Variants in PRKN observed in about 807,000 individuals in gnomAD.
PRKN encodes the protein E3 ubiquitin-protein ligase parkin.
PRKN carries 56 observed loss-of-function variants against 59.5 expected under a neutral mutation model. That is an observed-to-expected ratio of 0.94 (90% CI 0.76 to 1.18). The LOEUF (loss-of-function observed/expected upper bound fraction) is 1.18, where lower values mean the gene tolerates loss of function less well. Ranked by LOEUF, PRKN falls within the 50% of genes most tolerant of loss-of-function variation. The probability of loss-of-function intolerance (pLI) is 0.00; values close to 1 mark genes in which losing one functional copy is unlikely to be tolerated. For synonymous variants in PRKN, 250 were observed against 222.1 expected, an observed-to-expected ratio of 1.13 and a Z score of -1.12; for missense variants, 657 against 596.4, an observed-to-expected ratio of 1.10 and a Z score of -1.06.
intron 7 of PRKN, among the ~76,000 whole-genome samples, chr6:161,571,529 C>G (rs1483365262): frequency 6.6e-6 from 1 of 152,290 alleles, no homozygotes; most frequent in Admixed American, 6.5e-5. Context: ...TAGATCTGTG[C>G]ATTGTTTCAG....
rs1018940733 is a variant in PRKN at position 161,544,251 on chromosome 6, T to C, written c.1083+4603A>G. Among the ~76,000 whole-genome samples, 2 of 152,176 alleles carry C rather than the reference T, an allele frequency of 1.3e-5. No homozygotes were observed. The highest frequency in any genetic ancestry group is 2.4e-5 in the African/African-American group (1 of 41,444). ...CTGTAAATTCTGCAGTACTTTCAGGTTTCTAATGGACTTTTTGTGGATCCC... is the reference window on the plus strand; with the variant it reads ...CTGTAAATTCTGCAGTACTTTCAGGCTTCTAATGGACTTTTTGTGGATCCC... On this transcript the variant is annotated intron_variant, in intron 9 of 11. Transcript: ENST00000366898. The surrounding 1 kb of genome is among the most constrained non-coding windows in gnomAD (Gnocchi z 5.5).
intron 1 of PRKN, among the ~76,000 whole-genome samples, chr6:162,593,521 C>G (rs1230832084): frequency 6.6e-6 from 1 of 152,158 alleles, no homozygotes; most frequent in East Asian, 1.9e-4. Context: ...TACGGTTTAT[C>G]ACTGAAATCT....
At chr6:162,708,594 T>G (rs987229644) in intron 1 of PRKN, among the ~76,000 whole-genome samples, 1 of 152,244 alleles carries the variant, frequency 6.6e-6, no homozygotes, top group East Asian at 1.9e-4. Flanking sequence ...CTTTCTCTTC[T>G]ATACTCCAAA....
At chr6:161,567,562 CAT>C (rs1491189569) in intron 8 of PRKN, among the ~76,000 whole-genome samples, 12 of 151,052 alleles carry the variant, frequency 7.9e-5, no homozygotes, top group East Asian at 2.0e-4. Flanking sequence ...TGTATGTCTG[CAT>C]GTGTGTGTGT....
chr6:161,448,470 C>CG lies in PRKN; in HGVS notation c.1084-61594dup, dbSNP rs1021940736. 6.6e-6 allele frequency among the ~76,000 whole-genome samples: 1 copy of CG among 152,226 alleles called. No individual in the cohort carries two copies. The highest frequency in any genetic ancestry group is 1.9e-4 in the East Asian group (1 of 5,180). The stretch of plus-strand genomic sequence containing the variant: ...CACATCTTAGATTTAATGCTGATTT[C>CG]GGGGGGCATTTTTGCTTCAAATTTG... On this transcript the variant is annotated intron_variant, in intron 9 of 11. Coordinates refer to ENST00000366898, the MANE Select transcript of PRKN (RefSeq NM_004562.3). The surrounding 1 kb of genome is among the most constrained non-coding windows in gnomAD (Gnocchi z 5.1).
chr6:162,349,031 A>G (rs1188605230), intron 2 of PRKN, among the ~76,000 whole-genome samples: 1 of 152,206 alleles, frequency 6.6e-6, no homozygotes, highest in Non-Finnish European at 1.5e-5. Flanking sequence ...TCTTTGAAAG[A>G]CATAGTCAGT....
rs1160103063 is a variant in PRKN at position 161,545,265 on chromosome 6, T to C, written c.1083+3589A>G. ...ATTCACAGGCATCTTACAATAAATC[T>C]GTGAACCACATCCTGATAATCACTG... On this transcript the variant is annotated intron_variant, in intron 9 of 11. Transcript: ENST00000366898. The surrounding 1 kb of genome is among the most constrained non-coding windows in gnomAD (Gnocchi z 4.1). The C allele has an allele frequency of 6.3e-6, 9 of 1,438,614 alleles. No homozygotes were observed. The Admixed American group carries it at 8.2e-5, about 13-fold the overall frequency. The allele number at this position is 1,438,614 out of a possible 1,614,324, so 89.1% of individuals were successfully genotyped here.
At chr6:162,035,715 C>CAGAG (rs1180175888) in intron 5 of PRKN, among the ~76,000 whole-genome samples, 1 of 151,960 alleles carries the variant, frequency 6.6e-6, no homozygotes, top group African/African-American at 2.4e-5. Flanking sequence ...GCAGAATGAG[C>CAGAG]AGAGGAATGG....
intron 2 of PRKN, among the ~76,000 whole-genome samples, chr6:162,422,156 C>T (rs1789004066): frequency 6.6e-6 from 1 of 152,200 alleles, no homozygotes. Context: ...GTATGCTTTA[C>T]TTGCTAACTT....
At chr6:162,517,736 A>G (rs1777924636) in intron 1 of PRKN, among the ~76,000 whole-genome samples, 2 of 152,120 alleles carry the variant, frequency 1.3e-5, no homozygotes, top group Non-Finnish European at 2.9e-5. Flanking sequence ...AATTTAAAAA[A>G]CTGAATGAAG....
intron 8 of PRKN, among the ~76,000 whole-genome samples, chr6:161,558,198 C>T (rs1583226406): frequency 6.6e-6 from 1 of 152,168 alleles, no homozygotes; most frequent in East Asian, 1.9e-4. Context: ...TGCATTAGAA[C>T]TAAGGCTGAA....
At chr6:161,636,813 A>T (rs1783539799) in intron 7 of PRKN, among the ~76,000 whole-genome samples, 1 of 152,174 alleles carries the variant, frequency 6.6e-6, no homozygotes, top group South Asian at 2.1e-4. Flanking sequence ...GGATGTTTAC[A>T]GGCTGTTTCA....
chr6:161,864,706 G>A (rs1794043258), intron 6 of PRKN, among the ~76,000 whole-genome samples: 1 of 152,086 alleles, frequency 6.6e-6, no homozygotes, highest in Non-Finnish European at 1.5e-5. Flanking sequence ...GCCTGGGCTG[G>A]AGTGCAGTGG....
chr6:162,160,638 C>T (rs1782710462), intron 4 of PRKN, among the ~76,000 whole-genome samples: 1 of 151,738 alleles, frequency 6.6e-6, no homozygotes, highest in African/African-American at 2.4e-5. Context: ...GAAAAGGAAA[C>T]GTCTGCATGT....
At chr6:162,358,336 T>C (rs1398392117) in intron 2 of PRKN, among the ~76,000 whole-genome samples, 6 of 152,318 alleles carry the variant, frequency 3.9e-5, no homozygotes, top group East Asian at 3.9e-4. Flanking sequence ...ATGGTTCTTT[T>C]CAGCCTTGTA....
At chr6:162,084,855 G>A (rs1779191492) in intron 4 of PRKN, among the ~76,000 whole-genome samples, 1 of 151,770 alleles carries the variant, frequency 6.6e-6, no homozygotes, top group Admixed American at 6.6e-5. Flanking sequence ...TGATAATATA[G>A]AAGGCACAAT....
chr6:162,669,103 CCA>C (rs1312635765), intron 1 of PRKN, among the ~76,000 whole-genome samples: 2 of 152,080 alleles, frequency 1.3e-5, no homozygotes, highest in African/African-American at 2.4e-5. Flanking sequence ...CCTCTAAAAT[CCA>C]CAGTTTTTTT....
At chr6:161,805,163 G>A (rs1057352060) in intron 6 of PRKN, among the ~76,000 whole-genome samples, 1 of 152,100 alleles carries the variant, frequency 6.6e-6, no homozygotes, top group Admixed American at 6.6e-5. Flanking sequence ...CTGGGCTACT[G>A]TAGAAACAAT....
chr6:162,455,222 T>C (rs1170964041), intron 1 of PRKN, among the ~76,000 whole-genome samples: 2 of 152,168 alleles, frequency 1.3e-5, no homozygotes, highest in Non-Finnish European at 2.9e-5. Flanking sequence ...ATCTCTTACC[T>C]AACCATCCAT....
Sources: gnomAD v4.1 joint callset for allele counts (sites outside exome capture counted in the v4.1 genomes callset) on GRCh38, gnomAD v4.1.1 for gene constraint, Gnocchi (gnomAD v3.1) non-coding constraint, MANE v1.5 for transcripts, NCBI Gene and HGNC (gene_info 2026-07-23, HGNC 2026-07-21) for gene names.